NPL: variants seen among roughly 807,000 people sequenced by gnomAD.
NPL encodes N-acetylneuraminate pyruvate lyase.
Under a neutral mutation model 41.1 loss-of-function variants are expected in NPL, and 32 were observed. That is an observed-to-expected ratio of 0.78 (90% confidence interval 0.59 to 1.05). The LOEUF is 1.05. NPL is among the 50% of genes least tolerant of loss of function. The pLI is 0.00. For missense variants in NPL, 321 were observed against 378.4 expected (o/e 0.85, Z 1.26); for synonymous variants, 128 against 134.9 (o/e 0.95, Z 0.35).
chr1:182,799,399 T>C (rs1363721250), intron 3 of NPL, among the ~76,000 whole-genome samples: 3 of 152,186 alleles, frequency 2.0e-5, no homozygotes, highest in African/African-American at 7.2e-5. Flanking sequence ...TGTGGGAAGA[T>C]GTTAAAATTA....
chr1:182,799,194 A>G (rs1260308308), intron 3 of NPL, among the ~76,000 whole-genome samples: 1 of 152,184 alleles, frequency 6.6e-6, no homozygotes, highest in Non-Finnish European at 1.5e-5. Flanking sequence ...CAGTTTCACA[A>G]TCCACCCACT....
In NPL at chr1:182,803,781, CT is replaced by C; in HGVS notation, c.142+11del. On this transcript the variant is annotated intron_variant, in intron 4 of 12. Coordinates refer to ENST00000367553, the MANE Select transcript of NPL (RefSeq NM_030769.3). ...GTGAAGAACATTTTTGGTAAGTCAA[CT>C]CTGGGGATGTCGCTGCATGTCTCCA... is the stretch of plus-strand genomic sequence containing the variant. 6.3e-7 allele frequency: 1 copy of C among 1,586,874 alleles called. No homozygotes were observed. Among genetic ancestry groups the C allele is most frequent in the Non-Finnish European group, 8.7e-7 (1 of 1,155,322 alleles).
chr1:182,794,210 A>G (rs1448344868), intron 2 of NPL, 146 bp from the exon 3 acceptor site: 1 of 767,220 alleles, frequency 1.3e-6, no homozygotes, highest in Non-Finnish European at 2.3e-6. Flanking sequence ...ATTAAGCACT[A>G]AAATTTTACC....
In NPL at chr1:182,828,240, A is replaced by G. The variant is rs753396813; in HGVS notation, c.779-484A>G. Among the ~76,000 whole-genome samples the G allele has an allele frequency of 8.5e-4, 129 of 152,330 alleles. No homozygotes were observed. Among genetic ancestry groups the G allele is most frequent in the Non-Finnish European group, 1.2e-3 (82 of 68,030 alleles). On this transcript the variant is annotated intron_variant, in intron 12 of 12. Coordinates refer to ENST00000367553, the MANE Select transcript of NPL (RefSeq NM_030769.3). This position sits in a 1 kb window ranked among gnomAD's most constrained non-coding sequence, Gnocchi z 4.0. Reference sequence around the variant, plus strand: ...ATTCCCATCCCAGCCGTATAACACCAGCATGAAAACAGCAGCGTTGAGTCA... The same window carrying G: ...ATTCCCATCCCAGCCGTATAACACCGGCATGAAAACAGCAGCGTTGAGTCA...
At chr1:182,813,105 A>G (rs1667222920) in intron 6 of NPL, among the ~76,000 whole-genome samples, 1 of 150,664 alleles carries the variant, frequency 6.6e-6, no homozygotes, top group African/African-American at 2.4e-5. Context: ...GTGAGCCAAG[A>G]TCGTGTCACT....
At position 182,802,186 on chromosome 1, in the gene NPL, C is replaced by T. The variant is rs576975914; in HGVS notation, c.69-1512C>T. On this transcript the variant is annotated intron_variant, in intron 3 of 12. Coordinates refer to ENST00000367553, the MANE Select transcript of NPL (RefSeq NM_030769.3). Reference sequence around the variant, plus strand: ...GGCTGTTCCAGGTGCAGACAGAGGTCAGGAGGGAGCAGTGTTAGGATATGG... The same window carrying T: ...GGCTGTTCCAGGTGCAGACAGAGGTTAGGAGGGAGCAGTGTTAGGATATGG... Among the ~76,000 whole-genome samples the T allele has an allele frequency of 3.9e-4, 59 of 152,318 alleles. No individual in the cohort carries two copies. In the South Asian group the frequency reaches 0.012, roughly 31 times the overall value.
At chr1:182,802,026 T>C (rs73065363) in intron 3 of NPL, among the ~76,000 whole-genome samples, 3,440 of 152,316 alleles carry the variant, frequency 0.023, 130 homozygotes, top group African/African-American at 0.078. Flanking sequence ...TCTTCTTTAA[T>C]TAATGTAATA....
chr1:182,821,841 C>T (rs1036878545), intron 10 of NPL, among the ~76,000 whole-genome samples: 1 of 152,186 alleles, frequency 6.6e-6, no homozygotes. Flanking sequence ...TGGCCTCAGT[C>T]GCTTCCTAAC....
At chr1:182,794,229 C>CTT (rs1295076438) in intron 2 of NPL, 127 bp from the exon 3 acceptor site, 6 of 849,138 alleles carry the variant, frequency 7.1e-6, no homozygotes, top group Admixed American at 1.7e-5. Flanking sequence ...CCATCTTGTA[C>CTT]TTGCTCTGTG....
chr1:182,824,853 T>C (rs1341119262), intron 11 of NPL, among the ~76,000 whole-genome samples: 1 of 152,134 alleles, frequency 6.6e-6, no homozygotes, highest in African/African-American at 2.4e-5. Context: ...TTTTAAAAAA[T>C]CAGTTTGTCT....
chr1:182,812,021 A>G, intron 5 of NPL, 135 bp from the exon 6 acceptor site: 1 of 791,684 alleles, frequency 1.3e-6, no homozygotes, highest in Non-Finnish European at 2.2e-6. Flanking sequence ...TAGATTAAAT[A>G]TATTGCTATA....
chr1:182,809,316 A>T (rs1667111391), intron 5 of NPL: 1 of 383,236 alleles, frequency 2.6e-6, no homozygotes, highest in African/African-American at 2.1e-5. Flanking sequence ...AGGTAGGCAG[A>T]TCACCTGAGG....
intron 5 of NPL, among the ~76,000 whole-genome samples, chr1:182,810,123 A>T (rs1183860798): frequency 6.6e-6 from 1 of 152,150 alleles, no homozygotes; most frequent in Admixed American, 6.5e-5. Context: ...CTAAACAGGA[A>T]TGTGGTGTCT....
At chr1:182,827,197 A>T (rs543643356) in intron 12 of NPL, among the ~76,000 whole-genome samples, 1 of 152,358 alleles carries the variant, frequency 6.6e-6, no homozygotes, top group African/African-American at 2.4e-5. Context: ...TTAACTTAGC[A>T]AAAGAAAGTT....
chr1:182,806,766 T>A (rs10911137), intron 5 of NPL, among the ~76,000 whole-genome samples: 9,003 of 152,248 alleles, frequency 0.059, 663 homozygotes, highest in African/African-American at 0.18. Context: ...TAACACCCAA[T>A]TCATGCCATG....
intron 3 of NPL, among the ~76,000 whole-genome samples, chr1:182,802,264 A>G (rs1226936120): frequency 6.6e-6 from 1 of 152,212 alleles, no homozygotes; most frequent in African/African-American, 2.4e-5. Flanking sequence ...TTATAATTGC[A>G]TTAACACACC....
chr1:182,802,109 A>G (rs936298489), intron 3 of NPL, among the ~76,000 whole-genome samples: 9 of 152,336 alleles, frequency 5.9e-5, no homozygotes, highest in African/African-American at 2.2e-4. Flanking sequence ...TGATTTCATC[A>G]TTGTAAGTTC....
chr1:182,807,304 A>G (rs1330695384), intron 5 of NPL, among the ~76,000 whole-genome samples: 1 of 152,192 alleles, frequency 6.6e-6, no homozygotes, highest in Non-Finnish European at 1.5e-5. Context: ...ATAAAAAAAA[A>G]GGGAGTAATT....
chr1:182,814,581 A>G (rs958018274), intron 6 of NPL, among the ~76,000 whole-genome samples: 32 of 152,234 alleles, frequency 2.1e-4, no homozygotes, highest in African/African-American at 6.8e-4. Flanking sequence ...TTAAGTGCAC[A>G]GCTCACCTTC....
Sources: allele counts gnomAD v4.1 joint callset (sites outside exome capture counted in the v4.1 genomes callset), GRCh38; gene constraint gnomAD v4.1.1; non-coding constraint Gnocchi (gnomAD v3.1); transcripts MANE v1.5; gene names NCBI Gene and HGNC (gene_info 2026-07-23, HGNC 2026-07-21).